The following ARHGAP24 variants were observed in gnomAD, a reference collection of about 807,000 sequenced individuals.
ARHGAP24 encodes Rho GTPase activating protein 24.
Under a neutral mutation model 76.4 loss-of-function variants are expected in ARHGAP24, and 50 were observed. That is an observed-to-expected ratio of 0.65 (90% CI 0.52 to 0.83). ARHGAP24 has a LOEUF of 0.83. Ranked by LOEUF, ARHGAP24 falls within the 40% of genes least tolerant of loss-of-function variation. ARHGAP24 has a pLI of 0.00. For missense variants in ARHGAP24, 930 were observed against 914.2 expected (o/e 1.02, Z -0.22); for synonymous variants, 345 against 323.3 (o/e 1.07, Z -0.72).
chr4:85,693,974 G>A (rs985166083), intron 2 of ARHGAP24, among the ~76,000 whole-genome samples: 2 of 152,128 alleles, frequency 1.3e-5, no homozygotes, highest in African/African-American at 2.4e-5. Context: ...GAGGACCATG[G>A]TGAGAGTCAT....
intron 3 of ARHGAP24, among the ~76,000 whole-genome samples, chr4:85,901,732 T>C (rs1339700168): frequency 1.3e-5 from 2 of 152,188 alleles, no homozygotes; most frequent in Non-Finnish European, 2.9e-5. Flanking sequence ...TTATTTGCCA[T>C]ACAGAAAGTA....
intron 2 of ARHGAP24, among the ~76,000 whole-genome samples, chr4:85,590,029 G>T (rs1299403585): frequency 6.6e-6 from 1 of 152,152 alleles, no homozygotes; most frequent in African/African-American, 2.4e-5. Flanking sequence ...AAAGGAAATT[G>T]TTCTTAAAGT....
intron 2 of ARHGAP24, among the ~76,000 whole-genome samples, chr4:85,572,529 A>C (rs1727180085): frequency 6.6e-6 from 1 of 152,180 alleles, no homozygotes; most frequent in African/African-American, 2.4e-5. Context: ...ATATTGATTA[A>C]AAAGTTGAAA....
At chr4:85,500,040 G>A (rs1723740848) in intron 1 of ARHGAP24, among the ~76,000 whole-genome samples, 1 of 152,018 alleles carries the variant, frequency 6.6e-6, no homozygotes, top group Non-Finnish European at 1.5e-5. Context: ...TACTGGAAAT[G>A]TAAAATACAC....
intron 3 of ARHGAP24, among the ~76,000 whole-genome samples, chr4:85,847,001 G>T (rs557413266): frequency 6.6e-6 from 1 of 152,088 alleles, no homozygotes; most frequent in Non-Finnish European, 1.5e-5. Flanking sequence ...AGTGCCAACT[G>T]GTTCTATAAA....
Position 85,895,028 on chromosome 4 carries a change from A to C in ARHGAP24, c.269-28620A>C, listed in dbSNP as rs1172269805. On this transcript the variant is annotated intron_variant, in intron 3 of 9. Transcript: ENST00000395184. ...AAAAAAAAAAAAAAAAAAAGAAAAGAAAAGCAGGATTTTGGGGACTCACGA... is the reference window on the plus strand; with the variant it reads ...AAAAAAAAAAAAAAAAAAAGAAAAGCAAAGCAGGATTTTGGGGACTCACGA... 2.1e-5 allele frequency among the ~76,000 whole-genome samples: 3 copies of C among 141,082 alleles called. No individual in the cohort carries two copies. The East Asian group carries it at 6.0e-4, about 28-fold the overall frequency. The allele number at this position is 141,082 out of a possible 152,430, so 92.6% of individuals were successfully genotyped here.
At chr4:85,844,795 G>A (rs1306778328) in intron 3 of ARHGAP24, among the ~76,000 whole-genome samples, 1 of 152,136 alleles carries the variant, frequency 6.6e-6, no homozygotes, top group African/African-American at 2.4e-5. Context: ...TGTTGTTTTA[G>A]TTCATTTTGT....
rs578004832 is a variant in ARHGAP24, at chr4:85,957,967, A to G, written c.600-14069A>G. ...CTTTCCTTTCAATTTATCTTTGCAG[A>G]ATTTTGGCTCACTTCCACTGAAACC... is the stretch of plus-strand genomic sequence containing the variant. On this transcript the variant is annotated intron_variant, in intron 5 of 9. Coordinates refer to ENST00000395184, the MANE Select transcript of ARHGAP24 (RefSeq NM_001025616.3). Among the ~76,000 whole-genome samples the G allele has an allele frequency of 4.6e-5, 7 of 152,328 alleles. No individual in the cohort carries two copies. The East Asian group carries it at 1.3e-3, about 29-fold the overall frequency.
At chr4:85,961,202 G>A (rs1260157917) in intron 5 of ARHGAP24, among the ~76,000 whole-genome samples, 1 of 152,010 alleles carries the variant, frequency 6.6e-6, no homozygotes, top group African/African-American at 2.4e-5. Flanking sequence ...AGCTTTTTAT[G>A]TGTTCCCCTC....
intron 1 of ARHGAP24, among the ~76,000 whole-genome samples, chr4:85,525,484 TA>T (rs80052246): frequency 5.4e-4 from 78 of 145,346 alleles, no homozygotes; most frequent in East Asian, 8.0e-4. Flanking sequence ...ATGAGTTTTA[TA>T]AAAAAAAAAA....
intron 5 of ARHGAP24, among the ~76,000 whole-genome samples, chr4:85,965,516 C>T (rs1309769596): frequency 6.6e-6 from 1 of 152,082 alleles, no homozygotes; most frequent in Non-Finnish European, 1.5e-5. Context: ...AACTAGTAGG[C>T]TCCCATGGAT....
At chr4:85,740,584 T>A (rs1214669631) in intron 3 of ARHGAP24, among the ~76,000 whole-genome samples, 1 of 152,216 alleles carries the variant, frequency 6.6e-6, no homozygotes, top group Non-Finnish European at 1.5e-5. Flanking sequence ...TGTTTAGCTA[T>A]CTTTTACCTG....
intron 2 of ARHGAP24, among the ~76,000 whole-genome samples, chr4:85,721,320 G>A (rs1306507921): frequency 3.3e-5 from 5 of 151,640 alleles, no homozygotes; most frequent in Non-Finnish European, 7.4e-5. Context: ...TCTTGAACCC[G>A]GAAGGCAGAG....
chr4:85,915,639 C>T (rs1735343264), intron 3 of ARHGAP24, among the ~76,000 whole-genome samples: 1 of 149,464 alleles, frequency 6.7e-6, no homozygotes, highest in Non-Finnish European at 1.5e-5. Flanking sequence ...TCTCGTCGTT[C>T]AACTCCCACT....
chr4:85,609,105 A>G (rs745538563), intron 2 of ARHGAP24, among the ~76,000 whole-genome samples: 4 of 152,188 alleles, frequency 2.6e-5, no homozygotes, highest in Non-Finnish European at 4.4e-5. Flanking sequence ...AATGCTTAGT[A>G]TCTAGTAAAG....
intron 2 of ARHGAP24, among the ~76,000 whole-genome samples, chr4:85,653,702 C>T (rs1000031720): frequency 6.6e-6 from 1 of 152,058 alleles, no homozygotes; most frequent in African/African-American, 2.4e-5. Context: ...CCAGGCTGGC[C>T]TCCAACTCCT....
chr4:85,756,527 T>C (rs1317140191), intron 3 of ARHGAP24, among the ~76,000 whole-genome samples: 2 of 152,202 alleles, frequency 1.3e-5, no homozygotes. Flanking sequence ...CAGAGTTTCA[T>C]AGTAAAAAAT....
At chr4:85,639,821 G>A (rs75334709) in intron 2 of ARHGAP24, among the ~76,000 whole-genome samples, 1,771 of 152,110 alleles carry the variant, frequency 0.012, 43 homozygotes, top group African/African-American at 0.04. Flanking sequence ...CAAGGCAAAA[G>A]GTAAGACTAG....
At chr4:85,500,123 G>A (rs1159879016) in intron 1 of ARHGAP24, among the ~76,000 whole-genome samples, 2 of 152,098 alleles carry the variant, frequency 1.3e-5, no homozygotes, top group African/African-American at 2.4e-5. Context: ...ATGTTTACAT[G>A]TTGCAATGAT....
Sources: gnomAD v4.1 joint callset for allele counts (sites outside exome capture counted in the v4.1 genomes callset) on GRCh38, gnomAD v4.1.1 for gene constraint, MANE v1.5 for transcripts, NCBI Gene and HGNC (gene_info 2026-07-23, HGNC 2026-07-21) for gene names.